The following AAK1 variants were observed in gnomAD, a reference collection of about 807,000 sequenced individuals.
AAK1 encodes AP2-associated protein kinase 1.
AAK1 carries 37 observed loss-of-function variants against 116.0 expected under a neutral mutation model. That is an observed-to-expected ratio of 0.32 (90% CI 0.25 to 0.42). AAK1 has a LOEUF of 0.42. Among genes scored for constraint, AAK1 ranks in the 10% least tolerant of loss-of-function variants. The pLI, the probability that AAK1 is intolerant of heterozygous loss-of-function variation, is 1.00. For synonymous variants in AAK1, 458 were observed against 439.9 expected (o/e 1.04, Z -0.51); for missense variants, 919 against 1,170.6 (o/e 0.79, Z 3.14).
intron 15 of AAK1, 44 bp downstream of exon 15, chr2:69,507,377 G>A: frequency 6.3e-7 from 1 of 1,591,904 alleles, no homozygotes; most frequent in Non-Finnish European, 8.6e-7. Context: ...TTAGCACAGA[G>A]AATCTATAAT....
intron 2 of AAK1, among the ~76,000 whole-genome samples, chr2:69,565,872 G>A (rs1478141515): frequency 3.3e-5 from 5 of 152,056 alleles, no homozygotes; most frequent in South Asian, 4.1e-4. Flanking sequence ...GAGAGCTTGC[G>A]TACACTATGC....
At chr2:69,482,399 A>G in intron 18 of AAK1, 2 of 574,882 alleles carry the variant, frequency 3.5e-6, no homozygotes, top group Non-Finnish European at 6.2e-6. Context: ...CATTAAGTTC[A>G]GTAAAGGTAG....
At position 69,514,755 on chromosome 2, in the gene AAK1, C is replaced by T. The variant is rs1245788208; in HGVS notation, c.1498-6G>A. On this transcript the variant is annotated splice_polypyrimidine_tract_variant and splice_region_variant and intron_variant, in intron 12 of 21. Coordinates refer to ENST00000409085, the MANE Select transcript of AAK1 (RefSeq NM_014911.5). ...GCTGGATGTACTGCCTGAAACTGAGCAAGAAATGAGGAGATGAATAAGGGC... is the reference window on the plus strand; with the variant it reads ...GCTGGATGTACTGCCTGAAACTGAGTAAGAAATGAGGAGATGAATAAGGGC... The T allele has an allele frequency of 6.4e-7, 1 of 1,573,900 alleles. No homozygotes were observed. The highest frequency in any genetic ancestry group is 1.8e-5 in the Admixed American group (1 of 55,550).
chr2:69,572,620 TAAAAAAAAAAAAAAAA>T (rs768419313), intron 2 of AAK1, among the ~76,000 whole-genome samples: 1 of 106,878 alleles, frequency 9.4e-6, no homozygotes, highest in African/African-American at 3.5e-5. Context: ...ACTCTGTCTT[TAAAAAAAAAAAAAAAA>T]AAAAAAAGCA....
At chr2:69,596,153 G>C (rs1297352644) in intron 2 of AAK1, among the ~76,000 whole-genome samples, 1 of 151,954 alleles carries the variant, frequency 6.6e-6, no homozygotes, top group East Asian at 1.9e-4. Flanking sequence ...TGCACAAGGA[G>C]ATTAATGTTT....
At position 69,462,975 on chromosome 2, in the gene AAK1, A is replaced by G. The variant is rs1230357598; in HGVS notation, c.*12894T>C. On this transcript the variant is annotated 3_prime_UTR_variant, in exon 22 of 22. Transcript: ENST00000409085. ...CAGTTGAAACCTTAGTTGGAAAACC[A>G]AACCTTGGCACAGTGCCAATTATTT... 1 of 152,244 alleles carries G rather than the reference A, an allele frequency of 6.6e-6. No homozygotes were observed. Among genetic ancestry groups the G allele is most frequent in the Non-Finnish European group, 1.5e-5 (1 of 68,040 alleles). The allele number at this position is 152,244 out of a possible 1,614,324, so 9.4% of individuals were successfully genotyped here.
rs146641858 is a variant in AAK1, at chr2:69,528,896, C to T, written c.871+1112G>A. Among the ~76,000 whole-genome samples, 316 of 152,314 alleles carry T rather than the reference C, an allele frequency of 2.1e-3. 1 individual carries two copies. The highest frequency in any genetic ancestry group is 7.4e-3 in the African/African-American group (309 of 41,578). ...TTTCCCATATTTCCTACCAATCTCA[C>T]TTACATACCTGGAATTCTAACATGG... On this transcript the variant is annotated intron_variant, in intron 8 of 21. Coordinates refer to ENST00000409085, the MANE Select transcript of AAK1 (RefSeq NM_014911.5).
chr2:69,603,072 A>G (rs1673649174), intron 2 of AAK1, among the ~76,000 whole-genome samples: 1 of 152,214 alleles, frequency 6.6e-6, no homozygotes, highest in Non-Finnish European at 1.5e-5. Flanking sequence ...AAATATCAAG[A>G]AATTCATTAA....
chr2:69,632,826 G>A (rs190148477), intron 2 of AAK1, among the ~76,000 whole-genome samples: 346 of 152,234 alleles, frequency 2.3e-3, no homozygotes, highest in Non-Finnish European at 3.4e-3. Context: ...GAGGTCGGGA[G>A]ATCGAGACCG....
At chr2:69,531,918 C>T in intron 6 of AAK1, 123 bp downstream of exon 6, 3 of 1,454,458 alleles carry the variant, frequency 2.1e-6, no homozygotes, top group Admixed American at 3.7e-5. Context: ...ACATGATGCT[C>T]TGAGATGAAG....
Position 69,467,867 on chromosome 2 carries a change from AT to A in AAK1, c.*8001del, listed in dbSNP as rs1469125493. The A allele has an allele frequency of 2.0e-6, 2 of 985,300 alleles. No individual in the cohort carries two copies. Among genetic ancestry groups the A allele is most frequent in the Non-Finnish European group, 2.4e-6 (2 of 829,902 alleles). The allele number at this position is 985,300 out of a possible 1,614,324, so 61.0% of individuals were successfully genotyped here. The stretch of plus-strand genomic sequence containing the variant: ...AGAGAATGTAGAGAGAGGTCTGAAC[AT>A]TTTATAAGATACTGTACAAAAATAC... On this transcript the variant is annotated 3_prime_UTR_variant, in exon 22 of 22. Transcript: ENST00000409085.
intron 2 of AAK1, among the ~76,000 whole-genome samples, chr2:69,594,526 G>T (rs1199684348): frequency 1.3e-5 from 2 of 152,224 alleles, no homozygotes; most frequent in Admixed American, 1.3e-4. Flanking sequence ...TACCATAGCA[G>T]AGAGCCATGT....
chr2:69,466,664 A>G lies in AAK1; in HGVS notation c.*9205T>C. On this transcript the variant is annotated 3_prime_UTR_variant, in exon 22 of 22. Transcript: ENST00000409085. Reference sequence around the variant, plus strand: ...GTGGGACCAAATAATAGATGTTGAAAATGCAACAGGAAAAACATAAAAATA... The same window carrying G: ...GTGGGACCAAATAATAGATGTTGAAGATGCAACAGGAAAAACATAAAAATA... 1 of 1,081,930 alleles carries G rather than the reference A, an allele frequency of 9.2e-7. No individual in the cohort carries two copies. Among genetic ancestry groups the G allele is most frequent in the Non-Finnish European group, 1.1e-6 (1 of 885,778 alleles). The allele number at this position is 1,081,930 out of a possible 1,614,324, so 67.0% of individuals were successfully genotyped here. A position where few individuals can be genotyped will look rare whatever the true frequency, so the allele number is the denominator to read the frequency against.
Position 69,466,458 on chromosome 2 carries a change from G to A in AAK1, c.*9411C>T. 2.3e-6 allele frequency: 3 copies of A among 1,286,922 alleles called. No homozygotes were observed. Among genetic ancestry groups the A allele is most frequent in the Non-Finnish European group, 2.0e-6 (2 of 987,002 alleles). 79.7% of individuals were successfully genotyped at this position (1,286,922 alleles called of 1,614,324 possible). A position where few individuals can be genotyped will look rare whatever the true frequency, so the allele number is the denominator to read the frequency against. ...AGTCTTTGTGCCAGGTACTCTGGAG[G>A]GGTCTGGATACAGCGGAAGGCCTTT... On this transcript the variant is annotated 3_prime_UTR_variant, in exon 22 of 22. Coordinates refer to ENST00000409085, the MANE Select transcript of AAK1 (RefSeq NM_014911.5).
chr2:69,599,746 T>A (rs1180257574), intron 2 of AAK1, among the ~76,000 whole-genome samples: 1 of 152,118 alleles, frequency 6.6e-6, no homozygotes, highest in Non-Finnish European at 1.5e-5. Flanking sequence ...ATTGCCTTGT[T>A]TTTAAAAATA....
intron 2 of AAK1, among the ~76,000 whole-genome samples, chr2:69,566,739 G>A (rs1408059933): frequency 6.6e-6 from 1 of 152,140 alleles, no homozygotes; most frequent in Non-Finnish European, 1.5e-5. Context: ...AAAAATACTT[G>A]CCTGGAACAA....
At chr2:69,584,402 T>A (rs1283176760) in intron 2 of AAK1, among the ~76,000 whole-genome samples, 1 of 152,226 alleles carries the variant, frequency 6.6e-6, no homozygotes, top group African/African-American at 2.4e-5. Context: ...GGTAATACCA[T>A]GTTTTGATAA....
At chr2:69,587,308 TATATATACGCAC>T (rs1337807868) in intron 2 of AAK1, among the ~76,000 whole-genome samples, 1 of 150,566 alleles carries the variant, frequency 6.6e-6, no homozygotes. Flanking sequence ...TATACGCATG[TATATATACGCAC>T]ATATATACAC....
In AAK1 at chr2:69,472,049, A is replaced by C. The variant is rs1674699942; in HGVS notation, c.*3820T>G. On this transcript the variant is annotated 3_prime_UTR_variant, in exon 22 of 22. Transcript: ENST00000409085. ...ACTGAACAAAGTGACAACTTCTTTC[A>C]GAGGTGTTTTAATACCCATATCTTT... The C allele has an allele frequency of 2.0e-6, 2 of 985,254 alleles. No individual in the cohort carries two copies. The highest frequency in any genetic ancestry group is 1.2e-4 in the Admixed American group (2 of 16,270). 61.0% of individuals were successfully genotyped at this position (985,254 alleles called of 1,614,324 possible).
Sources: allele counts gnomAD v4.1 joint callset (sites outside exome capture counted in the v4.1 genomes callset), GRCh38; gene constraint gnomAD v4.1.1; transcripts MANE v1.5; gene names NCBI Gene and HGNC (gene_info 2026-07-23, HGNC 2026-07-21).